OSBPL8: variants seen among roughly 807,000 people sequenced by gnomAD.
OSBPL8 encodes oxysterol-binding protein-related protein 8.
In OSBPL8, 59 loss-of-function variants were observed where a neutral mutation model predicts 125.5. The ratio of observed to expected loss-of-function variants is 0.47; its 90% CI spans 0.38 to 0.58. OSBPL8 has a LOEUF of 0.58. Among genes scored for constraint, OSBPL8 ranks in the 20% least tolerant of loss-of-function variants. OSBPL8 has a pLI of 0.00. For missense variants in OSBPL8, 758 were observed against 1,047.8 expected, an observed-to-expected ratio of 0.72 and a Z score of 3.82; for synonymous variants, 330 against 338.9, an observed-to-expected ratio of 0.97 and a Z score of 0.29.
Position 76,417,053 on chromosome 12 carries a change from T to A in OSBPL8, c.218-6419A>T, listed in dbSNP as rs933638373. ...AGAACTTATTTACCTCCCTTCCAGC[T>A]TATACACAATAACTGTCATATATTG... On this transcript the variant is annotated intron_variant, in intron 4 of 23. Coordinates refer to ENST00000261183, the MANE Select transcript of OSBPL8 (RefSeq NM_020841.5). Among the ~76,000 whole-genome samples the A allele has an allele frequency of 1.4e-4, 21 of 152,336 alleles. No homozygotes were observed. The East Asian group carries it at 3.9e-3, about 28-fold the overall frequency.
chr12:76,365,682 C>T (rs1018792257), intron 21 of OSBPL8, among the ~76,000 whole-genome samples: 2 of 152,044 alleles, frequency 1.3e-5, no homozygotes, highest in Non-Finnish European at 2.9e-5. Context: ...CCTGATGTTA[C>T]GGGGAAGGTT....
intron 21 of OSBPL8, among the ~76,000 whole-genome samples, chr12:76,361,363 C>T (rs907725708): frequency 2.6e-5 from 4 of 152,278 alleles, no homozygotes; most frequent in South Asian, 2.1e-4. Flanking sequence ...TCAGCCTGGA[C>T]CTTGTTTTTC....
intron 1 of OSBPL8, among the ~76,000 whole-genome samples, chr12:76,489,522 G>C (rs1878493380): frequency 6.6e-6 from 1 of 152,136 alleles, no homozygotes. Context: ...CTCTGCCTGT[G>C]CACTATAAAT....
chr12:76,481,516 G>A (rs1218876296), intron 2 of OSBPL8, among the ~76,000 whole-genome samples: 1 of 152,076 alleles, frequency 6.6e-6, no homozygotes, highest in East Asian at 1.9e-4. Flanking sequence ...TGTAGTCCAA[G>A]CTACTCTGGA....
chr12:76,507,143 C>T (rs1880500163), intron 1 of OSBPL8, among the ~76,000 whole-genome samples: 1 of 151,688 alleles, frequency 6.6e-6, no homozygotes, highest in Admixed American at 6.6e-5. Flanking sequence ...AGACAATGTT[C>T]TCTCTATTGT....
chr12:76,402,663 C>T (rs1245664960), intron 6 of OSBPL8, 26 bp downstream of exon 6: 3 of 1,513,870 alleles, frequency 2.0e-6, no homozygotes, highest in Non-Finnish European at 2.7e-6. Flanking sequence ...ATGTAAATTA[C>T]CTTTCAGAAA....
chr12:76,464,240 A>T (rs1875104012), intron 2 of OSBPL8, among the ~76,000 whole-genome samples: 3 of 152,124 alleles, frequency 2.0e-5, no homozygotes, highest in Admixed American at 2.0e-4. Flanking sequence ...CGCACCTGTG[A>T]ACAGCCACTG....
chr12:76,514,573 T>C (rs147179614), intron 1 of OSBPL8, among the ~76,000 whole-genome samples: 30 of 152,202 alleles, frequency 2.0e-4, no homozygotes, highest in African/African-American at 7.2e-4. Flanking sequence ...GCAGATGACC[T>C]ACCTTTAACA....
At chr12:76,550,948 C>T (rs1454809794) in intron 1 of OSBPL8, among the ~76,000 whole-genome samples, 1 of 152,080 alleles carries the variant, frequency 6.6e-6, no homozygotes, top group Non-Finnish European at 1.5e-5. Context: ...GTGGCACAAA[C>T]CTGTAGTCCT....
intron 1 of OSBPL8, among the ~76,000 whole-genome samples, chr12:76,545,307 T>C (rs989047514): frequency 6.6e-6 from 1 of 152,204 alleles, no homozygotes; most frequent in South Asian, 2.1e-4. Flanking sequence ...ATTTTGACCA[T>C]TTTCTTGAAA....
In OSBPL8 at chr12:76,410,551, TA is replaced by T; in HGVS notation, c.288+12del. 6.4e-7 allele frequency: 1 copy of T among 1,557,026 alleles called. No individual in the cohort carries two copies. Among genetic ancestry groups the T allele is most frequent in the Non-Finnish European group, 8.8e-7 (1 of 1,131,592 alleles). The stretch of plus-strand genomic sequence containing the variant: ...AATATGTCATAATCATGTATTTGCT[TA>T]TATATGCTTACCTTGCTCTTTGACA... On this transcript the variant is annotated intron_variant, in intron 5 of 23. Transcript: ENST00000261183.
intron 1 of OSBPL8, among the ~76,000 whole-genome samples, chr12:76,525,248 TA>T (rs1950140665): frequency 1.3e-5 from 2 of 152,222 alleles, no homozygotes; most frequent in Admixed American, 1.3e-4. Flanking sequence ...ATTTTCCTGA[TA>T]TTTTACAGGA....
intron 1 of OSBPL8, among the ~76,000 whole-genome samples, chr12:76,531,760 G>A (rs77297311): frequency 0.045 from 6,834 of 152,096 alleles, 545 homozygotes; most frequent in African/African-American, 0.16. Flanking sequence ...CCAAAAGGCC[G>A]GGTGCGGTGG....
chr12:76,412,880 C>A (rs1187065376), intron 4 of OSBPL8, among the ~76,000 whole-genome samples: 1 of 152,142 alleles, frequency 6.6e-6, no homozygotes. Flanking sequence ...GCCACCCCTT[C>A]AGGGAGGCCT....
chr12:76,443,907 G>A (rs894888183), intron 4 of OSBPL8, among the ~76,000 whole-genome samples: 4 of 151,924 alleles, frequency 2.6e-5, no homozygotes, highest in Admixed American at 2.0e-4. Context: ...TTTACTTAAG[G>A]TAAAATTATT....
intron 1 of OSBPL8, chr12:76,534,106 A>AT (rs906016795): frequency 2.0e-5 from 3 of 152,174 alleles, no homozygotes; most frequent in African/African-American, 4.8e-5. Context: ...CATTAATGAG[A>AT]TTTTTTAAAT....
At chr12:76,420,552 A>C (rs976195125) in intron 4 of OSBPL8, among the ~76,000 whole-genome samples, 20 of 152,080 alleles carry the variant, frequency 1.3e-4, no homozygotes, top group African/African-American at 4.8e-4. Flanking sequence ...ATTAAGGCAG[A>C]AGTGGCTAAA....
chr12:76,489,236 G>A (rs971075336), intron 1 of OSBPL8, among the ~76,000 whole-genome samples: 24 of 152,194 alleles, frequency 1.6e-4, no homozygotes, highest in Non-Finnish European at 7.4e-5. Flanking sequence ...TGGAGAAACT[G>A]CAGTAAGTTA....
At chr12:76,392,177 T>C (rs1372561035) in intron 10 of OSBPL8, among the ~76,000 whole-genome samples, 1 of 152,224 alleles carries the variant, frequency 6.6e-6, no homozygotes, top group Non-Finnish European at 1.5e-5. Flanking sequence ...TAAAAACATG[T>C]TACTCTATAG....
Sources: allele counts gnomAD v4.1 joint callset (sites outside exome capture counted in the v4.1 genomes callset), GRCh38; gene constraint gnomAD v4.1.1; transcripts MANE v1.5; gene names NCBI Gene and HGNC (gene_info 2026-07-23, HGNC 2026-07-21).